RNF217: variants seen among roughly 807,000 people sequenced by gnomAD.
RNF217 encodes the protein E3 ubiquitin-protein ligase RNF217.
Under a neutral mutation model 57.8 loss-of-function variants are expected in RNF217, and 31 were observed. That is an observed-to-expected ratio of 0.54 (90% CI 0.40 to 0.72). RNF217 has a LOEUF of 0.72. Ranked by LOEUF, RNF217 falls within the 30% of genes least tolerant of loss-of-function variation. RNF217 has a pLI of 0.00. For synonymous variants in RNF217, 313 were observed against 294.0 expected (o/e 1.06, Z -0.66); for missense variants, 696 against 708.3 (o/e 0.98, Z 0.20).
intron 2 of RNF217, among the ~76,000 whole-genome samples, chr6:125,053,348 A>G (rs1186124791): frequency 6.6e-6 from 1 of 152,118 alleles, no homozygotes; most frequent in Non-Finnish European, 1.5e-5. Flanking sequence ...AAGGTGCCCA[A>G]TAAATATGTG....
Position 124,962,803 on chromosome 6 carries a change from C to G in RNF217, c.259C>G (p.Pro87Ala). Residue 87 changes from proline (P) to alanine (A), a missense_variant, in exon 1 of 6, where the codon CCT (proline) becomes GCT (alanine). Coordinates refer to ENST00000521654, the MANE Select transcript of RNF217 (RefSeq NM_001286398.3). This position sits in a 1 kb window ranked among gnomAD's most constrained non-coding sequence, Gnocchi z 4.6. ...GAGTAAGAGCCGAGCACCGGCGCAG[C>G]CTGCGGGACTGGCACTCACCGGGCC... ...GWSKSRAPAQ[P>A]AGLALTGPLN... 5 of 1,597,502 alleles carry G rather than the reference C, an allele frequency of 3.1e-6. No individual in the cohort carries two copies. Among genetic ancestry groups the G allele is most frequent in the Non-Finnish European group, 4.2e-6 (5 of 1,179,586 alleles).
chr6:124,997,340 A>G (rs1784792934), intron 1 of RNF217, among the ~76,000 whole-genome samples: 1 of 152,210 alleles, frequency 6.6e-6, no homozygotes, highest in South Asian at 2.1e-4. Context: ...TCATGACTCC[A>G]GGTAAGTCAG....
Position 124,963,126 on chromosome 6 carries a change from G to A in RNF217, c.582G>A (p.Val194=), listed in dbSNP as rs1317159503. Residue 194 remains valine, a synonymous_variant, in exon 1 of 6, where the codon GTG becomes GTA. Transcript: ENST00000521654. ...PPASPPGAPP[V]LNPPSTRSSF... ...CGTCGCCACCTGGGGCTCCGCCAGT[G>A]TTGAACCCTCCCAGCACCCGCTCTT... 1.3e-6 allele frequency: 2 copies of A among 1,535,594 alleles called. No individual in the cohort carries two copies. The highest frequency in any genetic ancestry group is 1.4e-5 in the African/African-American group (1 of 73,204).
intron 1 of RNF217, 99 bp from the exon 2 acceptor site, chr6:125,045,112 A>G: frequency 1.4e-6 from 1 of 713,310 alleles, no homozygotes; most frequent in South Asian, 1.9e-5. Context: ...ACAATCCTTT[A>G]TTGCGGTCAT....
chr6:124,972,057 C>T (rs1026271898), intron 1 of RNF217, among the ~76,000 whole-genome samples: 1 of 152,162 alleles, frequency 6.6e-6, no homozygotes, highest in South Asian at 2.1e-4. Flanking sequence ...TACATAGCCA[C>T]CTTAAACTTA....
intron 1 of RNF217, among the ~76,000 whole-genome samples, chr6:125,001,783 G>A (rs1247863664): frequency 1.3e-5 from 2 of 152,168 alleles, no homozygotes. Flanking sequence ...TATTTGTGCT[G>A]AGAGAGGGAA....
intron 1 of RNF217, among the ~76,000 whole-genome samples, chr6:124,989,385 G>A (rs910956877): frequency 7.2e-5 from 11 of 152,044 alleles, no homozygotes; most frequent in South Asian, 2.1e-4. Context: ...TTCTTTTGAC[G>A]TATGCAATAG....
chr6:125,060,570 A>G (rs1787690251), intron 3 of RNF217, among the ~76,000 whole-genome samples: 1 of 151,900 alleles, frequency 6.6e-6, no homozygotes, highest in Non-Finnish European at 1.5e-5. Context: ...TCAGCCTCCC[A>G]AGTAGCTGGG....
At chr6:125,009,985 C>A (rs1012581514) in intron 1 of RNF217, among the ~76,000 whole-genome samples, 3 of 138,962 alleles carry the variant, frequency 2.2e-5, no homozygotes, top group Non-Finnish European at 4.7e-5. Flanking sequence ...GCTTAGCATT[C>A]TTTTTTTTTT....
Position 125,045,353 on chromosome 6 carries a change from G to T in RNF217, c.1025G>T (p.Ser342Ile). The change falls in exon 2 of 6, where the codon AGC (serine) becomes ATC (isoleucine). Residue 342 changes from serine (S) to isoleucine (I), a missense_variant. Ser to Ile is a moderately radical substitution (Grantham distance 142, BLOSUM62 -2). Transcript: ENST00000521654. ...YFLELGRIDS[S>I]TKPCPQCKHF... ...TTGGAACTTGGCCGTATTGATTCCA[G>T]CACCAAGCCATGTCCTCAGTGCAAG... 1 of 1,613,396 alleles carries T rather than the reference G, an allele frequency of 6.2e-7. No homozygotes were observed. Among genetic ancestry groups the T allele is most frequent in the East Asian group, 2.2e-5 (1 of 44,788 alleles).
At chr6:125,037,949 A>G (rs923078127) in intron 1 of RNF217, among the ~76,000 whole-genome samples, 4 of 152,158 alleles carry the variant, frequency 2.6e-5, no homozygotes, top group African/African-American at 4.8e-5. Flanking sequence ...AAATTGAGCA[A>G]TGAGGCCTGA....
intron 4 of RNF217, among the ~76,000 whole-genome samples, chr6:125,080,604 GT>G (rs1237631029): frequency 6.6e-6 from 1 of 151,926 alleles, no homozygotes; most frequent in Non-Finnish European, 1.5e-5. Flanking sequence ...ATGCCGTAAG[GT>G]TTAAAATACA....
At chr6:124,985,488 CATT>C (rs1315822339) in intron 1 of RNF217, among the ~76,000 whole-genome samples, 1 of 152,044 alleles carries the variant, frequency 6.6e-6, no homozygotes. Flanking sequence ...GAATTTCTAT[CATT>C]AGGAAATGTG....
At chr6:125,080,253 T>C (rs1164641895) in intron 4 of RNF217, among the ~76,000 whole-genome samples, 2 of 152,118 alleles carry the variant, frequency 1.3e-5, no homozygotes, top group African/African-American at 2.4e-5. Flanking sequence ...GATTCTGTCA[T>C]TGGCAAAAAA....
intron 2 of RNF217, among the ~76,000 whole-genome samples, chr6:125,056,726 A>G (rs1023817567): frequency 4.6e-5 from 7 of 152,226 alleles, no homozygotes; most frequent in Non-Finnish European, 1.0e-4. Flanking sequence ...GAGCAAAGAG[A>G]GTGGTCAGTT....
intron 1 of RNF217, among the ~76,000 whole-genome samples, chr6:124,980,832 T>C (rs1784137219): frequency 6.6e-6 from 1 of 152,226 alleles, no homozygotes; most frequent in South Asian, 2.1e-4. Flanking sequence ...TTACACTCTA[T>C]ATTGATCATA....
chr6:124,962,654 G>A lies in RNF217; in HGVS notation c.110G>A (p.Ser37Asn), dbSNP rs1005250057. Residue 37 changes from serine to asparagine, a missense_variant, in exon 1 of 6, where the codon AGC becomes AAC. Coordinates refer to ENST00000521654, the MANE Select transcript of RNF217 (RefSeq NM_001286398.3). The surrounding 1 kb of genome is among the most constrained non-coding windows in gnomAD (Gnocchi z 4.6). ...GAGCCCCCGAGGCCTCAGGGGGACA[G>A]CGCCCGGGCGCCCCCGCTGCGCGCC... Reference protein sequence around the residue: ...HPEPPRPQGDSARAPPLRAAS... With the variant: ...HPEPPRPQGDNARAPPLRAAS... The A allele has an allele frequency of 2.2e-5, 30 of 1,333,394 alleles. No homozygotes were observed. The highest frequency in any genetic ancestry group is 4.1e-5 in the Admixed American group (1 of 24,164). The allele number at this position is 1,333,394 out of a possible 1,614,324, so 82.6% of individuals were successfully genotyped here.
At chr6:125,050,130 G>T (rs1244818007) in intron 2 of RNF217, among the ~76,000 whole-genome samples, 1 of 151,932 alleles carries the variant, frequency 6.6e-6, no homozygotes, top group African/African-American at 2.4e-5. Flanking sequence ...ACTCATACAG[G>T]TTTTACTGAG....
intron 1 of RNF217, among the ~76,000 whole-genome samples, chr6:125,027,407 G>C (rs1298769795): frequency 1.3e-5 from 2 of 152,066 alleles, no homozygotes; most frequent in Non-Finnish European, 2.9e-5. Flanking sequence ...AACATGCAAT[G>C]TTTGTCTTTC....
Sources: allele counts gnomAD v4.1 joint callset (sites outside exome capture counted in the v4.1 genomes callset), GRCh38; gene constraint gnomAD v4.1.1; non-coding constraint Gnocchi (gnomAD v3.1); transcripts MANE v1.5; gene names NCBI Gene and HGNC (gene_info 2026-07-23, HGNC 2026-07-21).